The following CAPS2 variants were observed in gnomAD, a reference collection of about 807,000 sequenced individuals.
The protein encoded by CAPS2 is calcyphosin-2.
In CAPS2, 98 loss-of-function variants were observed where a neutral mutation model predicts 86.5. That is an observed-to-expected ratio of 1.13 (90% CI 0.96 to 1.34). The LOEUF (loss-of-function observed/expected upper bound fraction) is 1.34, where lower values mean the gene tolerates loss of function less well. Among genes scored for constraint, CAPS2 ranks in the 40% most tolerant of loss-of-function variants. The probability of loss-of-function intolerance (pLI) is 0.00; values close to 1 mark genes in which losing one functional copy is unlikely to be tolerated. For missense variants in CAPS2, 729 were observed against 686.8 expected (o/e 1.06, Z -0.69); for synonymous variants, 210 against 225.1 (o/e 0.93, Z 0.60).
At chr12:75,305,318 T>G (rs949083371) in intron 7 of CAPS2, 4 of 276,412 alleles carry the variant, frequency 1.4e-5, no homozygotes, top group Non-Finnish European at 2.7e-5. Flanking sequence ...AAAGGCATCC[T>G]AGAAGAGGAG....
exon 6 of CAPS2, chr12:75,316,374 A>G: frequency 6.4e-7 from 1 of 1,551,136 alleles, no homozygotes; most frequent in Non-Finnish European, 8.7e-7. Flanking sequence ...CCTTGCTGTA[A>G]GATGGCTTTC....
chr12:75,312,067 G>T (rs2039289550), intron 7 of CAPS2, among the ~76,000 whole-genome samples: 1 of 152,130 alleles, frequency 6.6e-6, no homozygotes, highest in South Asian at 2.1e-4. Flanking sequence ...CCTTGAAGTA[G>T]ATTATTCCAA....
chr12:75,289,368 T>C (rs191094366), intron 14 of CAPS2, among the ~76,000 whole-genome samples: 3 of 152,340 alleles, frequency 2.0e-5, no homozygotes, highest in South Asian at 4.1e-4. Context: ...CCTTCAATTA[T>C]GGTGATCTTG....
exon 16 of CAPS2, chr12:75,282,265 G>T: frequency 6.4e-7 from 1 of 1,564,950 alleles, no homozygotes; most frequent in Non-Finnish European, 8.8e-7. Flanking sequence ...AATTACTTGA[G>T]AATGCTTCTT....
chr12:75,296,393 G>A (rs549635883), intron 11 of CAPS2, among the ~76,000 whole-genome samples: 7 of 152,036 alleles, frequency 4.6e-5, no homozygotes, highest in Admixed American at 3.9e-4. Flanking sequence ...CTGGGTTCAC[G>A]CCATTCTCCT....
chr12:75,374,917 G>T (rs2044571017), intron 1 of CAPS2, among the ~76,000 whole-genome samples: 1 of 152,196 alleles, frequency 6.6e-6, no homozygotes, highest in Non-Finnish European at 1.5e-5. Context: ...ATAATTCACT[G>T]TCATTGTCCA....
chr12:75,384,962 C>T (rs1371489277), intron 1 of CAPS2, among the ~76,000 whole-genome samples: 1 of 152,150 alleles, frequency 6.6e-6, no homozygotes, highest in Non-Finnish European at 1.5e-5. Context: ...TGAACCAATA[C>T]ATTCATAGAT....
At chr12:75,342,473 C>G (rs899410354) in intron 1 of CAPS2, among the ~76,000 whole-genome samples, 2 of 152,024 alleles carry the variant, frequency 1.3e-5, no homozygotes, top group African/African-American at 2.4e-5. Flanking sequence ...TAAAAATAAC[C>G]TTGGCAATTA....
chr12:75,278,898 C>T (rs1400492693), exon 17 of CAPS2: 1 of 1,569,588 alleles, frequency 6.4e-7, no homozygotes. Context: ...GACTAAATCC[C>T]CCATGGAGTA....
chr12:75,327,273 A>C (rs1421281077), upstream of CAPS2, among the ~76,000 whole-genome samples: 1 of 152,138 alleles, frequency 6.6e-6, no homozygotes, highest in Non-Finnish European at 1.5e-5. Context: ...GTTTTGCCAG[A>C]GTAGGCTGAT....
chr12:75,287,008 C>T (rs1005774546), intron 14 of CAPS2, among the ~76,000 whole-genome samples: 3 of 151,190 alleles, frequency 2.0e-5, no homozygotes, highest in African/African-American at 4.9e-5. Context: ...ATGTTTTCTG[C>T]GTTCTAGTCC....
At chr12:75,277,295 G>C in exon 17 of CAPS2, 1 of 967,294 alleles carries the variant, frequency 1.0e-6, no homozygotes, top group Non-Finnish European at 1.2e-6. Context: ...ATTAAGAACA[G>C]GTTTCTTAAG....
intron 5 of CAPS2, among the ~76,000 whole-genome samples, chr12:75,318,447 T>A (rs1233869706): frequency 2.0e-5 from 3 of 152,140 alleles, no homozygotes; most frequent in Non-Finnish European, 4.4e-5. Context: ...TTGCGTGGCG[T>A]CCCTGATCTG....
In CAPS2 at chr12:75,366,785, C is replaced by G; in HGVS notation, c.-395+24053G>C. Reference sequence around the variant, plus strand: ...CACGCTCTTATGTGTCTCAGTTTCTCTCTTCAGAGGTCTATCACCTCTGAG... The same window carrying G: ...CACGCTCTTATGTGTCTCAGTTTCTGTCTTCAGAGGTCTATCACCTCTGAG... On this transcript the variant is annotated intron_variant, in intron 1 of 5. Coordinates refer to the CAPS2 transcript ENST00000551829. 3 of 677,536 alleles carry G rather than the reference C, an allele frequency of 4.4e-6. No homozygotes were observed. In the East Asian group the frequency reaches 8.1e-5, roughly 18 times the overall value. 42.0% of individuals were successfully genotyped at this position (677,536 alleles called of 1,614,324 possible).
At chr12:75,383,884 T>G (rs1390317772) in intron 1 of CAPS2, among the ~76,000 whole-genome samples, 1 of 151,894 alleles carries the variant, frequency 6.6e-6, no homozygotes, top group African/African-American at 2.4e-5. Flanking sequence ...ACCATAAAAT[T>G]CCAAAATAAG....
chr12:75,312,773 A>G lies in CAPS2; in HGVS notation c.659+75T>C, dbSNP rs2039364106. 7 of 878,464 alleles carry G rather than the reference A, an allele frequency of 8.0e-6. No homozygotes were observed. The Admixed American group carries it at 1.1e-4, about 13-fold the overall frequency. The allele number at this position is 878,464 out of a possible 1,614,324, so 54.4% of individuals were successfully genotyped here. A position where few individuals can be genotyped will look rare whatever the true frequency, so the allele number is the denominator to read the frequency against. ...AGCCACCCTTTAATTGACCAAGGAT[A>G]TGAATGTCATGCATGAAAATAAATT... On this transcript the variant is annotated intron_variant, in intron 7 of 16. Coordinates refer to ENST00000393284, the Ensembl canonical transcript of CAPS2.
At chr12:75,292,592 T>C (rs2036165477) in intron 12 of CAPS2, among the ~76,000 whole-genome samples, 2 of 145,764 alleles carry the variant, frequency 1.4e-5, no homozygotes, top group South Asian at 2.1e-4. Flanking sequence ...AAAATATATA[T>C]TATATATACA....
chr12:75,330,434 T>C (rs1389634665), upstream of CAPS2, among the ~76,000 whole-genome samples: 1 of 152,242 alleles, frequency 6.6e-6, no homozygotes, highest in East Asian at 1.9e-4. Context: ...GCGGTTGTTG[T>C]GTAATTCTTT....
At chr12:75,306,538 A>G (rs952218240) in intron 7 of CAPS2, among the ~76,000 whole-genome samples, 1 of 152,210 alleles carries the variant, frequency 6.6e-6, no homozygotes, top group Admixed American at 6.5e-5. Context: ...TGTAGTGTTT[A>G]GGACATACGC....
Sources: gnomAD v4.1 joint callset for allele counts (sites outside exome capture counted in the v4.1 genomes callset) on GRCh38, gnomAD v4.1.1 for gene constraint, MANE v1.5 for transcripts, NCBI Gene and HGNC (gene_info 2026-07-23, HGNC 2026-07-21) for gene names.